DNAH11: variants seen among roughly 807,000 people sequenced by gnomAD.
DNAH11 encodes the protein dynein axonemal heavy chain 11.
In DNAH11, 442 loss-of-function variants were observed where a neutral mutation model predicts 526.0. The ratio of observed to expected loss-of-function variants is 0.84; its 90% CI spans 0.78 to 0.91. DNAH11 has a LOEUF of 0.91. Ranked by LOEUF, DNAH11 falls within the 40% of genes least tolerant of loss-of-function variation. The pLI, the probability that DNAH11 is intolerant of heterozygous loss-of-function variation, is 0.00. For synonymous variants in DNAH11, 2,461 were observed against 1,935.9 expected, an observed-to-expected ratio of 1.27 and a Z score of -7.12; for missense variants, 6,989 against 5,448.7, an observed-to-expected ratio of 1.28 and a Z score of -8.90.
intron 76 of DNAH11, among the ~76,000 whole-genome samples, chr7:21,889,670 G>A (rs1290618881): frequency 6.6e-6 from 1 of 152,112 alleles, no homozygotes; most frequent in East Asian, 1.9e-4. Flanking sequence ...ATCCTTTCAT[G>A]TTCTCATTGG....
At chr7:21,813,647 T>C (rs1018950131) in intron 63 of DNAH11, among the ~76,000 whole-genome samples, 1 of 152,212 alleles carries the variant, frequency 6.6e-6, no homozygotes, top group African/African-American at 2.4e-5. Context: ...TGGCGTGTGC[T>C]TCCAGCCTTG....
chr7:21,706,951 A>G (rs1403597923), intron 39 of DNAH11, among the ~76,000 whole-genome samples: 1 of 152,232 alleles, frequency 6.6e-6, no homozygotes, highest in Non-Finnish European at 1.5e-5. Flanking sequence ...AGTTCTCATT[A>G]TCAAGGCTTT....
intron 68 of DNAH11, among the ~76,000 whole-genome samples, chr7:21,859,476 A>G (rs1202799739): frequency 6.6e-6 from 1 of 152,166 alleles, no homozygotes; most frequent in Non-Finnish European, 1.5e-5. Context: ...GTATTTGCAA[A>G]TATTCAAACA....
intron 8 of DNAH11, among the ~76,000 whole-genome samples, chr7:21,573,151 C>T (rs773614678): frequency 1.2e-4 from 18 of 152,182 alleles, no homozygotes; most frequent in Non-Finnish European, 2.2e-4. Flanking sequence ...GTTTAATTGA[C>T]GTCACTACCT....
chr7:21,801,306 A>G, intron 62 of DNAH11, 31 bp downstream of exon 62: 2 of 1,612,428 alleles, frequency 1.2e-6, no homozygotes, highest in South Asian at 1.1e-5. Flanking sequence ...CATTCTAACT[A>G]AAATGTTCAG....
intron 73 of DNAH11, among the ~76,000 whole-genome samples, chr7:21,871,125 C>G (rs1783477804): frequency 6.6e-6 from 1 of 152,176 alleles, no homozygotes; most frequent in Non-Finnish European, 1.5e-5. Flanking sequence ...AGATAGAGCC[C>G]TCTAAAGGTG....
intron 25 of DNAH11, among the ~76,000 whole-genome samples, chr7:21,623,528 T>C (rs537335951): frequency 7.5e-4 from 114 of 152,228 alleles, no homozygotes; most frequent in East Asian, 7.3e-3. Context: ...ATGTTTATTG[T>C]GGCACTATTC....
chr7:21,775,933 C>G (rs186096541), intron 56 of DNAH11, among the ~76,000 whole-genome samples: 2 of 152,136 alleles, frequency 1.3e-5, no homozygotes, highest in African/African-American at 2.4e-5. Flanking sequence ...GTGGGGGCAT[C>G]CTTAGCAAAG....
Position 21,576,465 on chromosome 7 carries a change from C to A in DNAH11, c.1593+4492C>A, listed in dbSNP as rs562989610. Among the ~76,000 whole-genome samples, 5 of 152,300 alleles carry A rather than the reference C, an allele frequency of 3.3e-5. No individual in the cohort carries two copies. The South Asian group carries it at 1.0e-3, about 32-fold the overall frequency. ...GATCTTAATACTGACTCAAGACTCT[C>A]TTGAAAGATGTAAACTCTGATAGAG... On this transcript the variant is annotated intron_variant, in intron 8 of 81. Coordinates refer to ENST00000409508, the MANE Select transcript of DNAH11 (RefSeq NM_001277115.2).
At chr7:21,571,681 ATT>A in intron 7 of DNAH11, 123 bp from the exon 8 acceptor site, 1 of 526,192 alleles carries the variant, frequency 1.9e-6, no homozygotes, top group Non-Finnish European at 3.1e-6. Context: ...GAAAATATTT[ATT>A]TTCTGTCATT....
At chr7:21,572,019 T>G (rs778367112) in intron 8 of DNAH11, 46 bp downstream of exon 8, 8 of 1,413,216 alleles carry the variant, frequency 5.7e-6, no homozygotes, top group Middle Eastern at 2.6e-4. Context: ...TCCTATAATT[T>G]TATAGCTGAA....
At chr7:21,611,949 G>A (rs977277857) in intron 20 of DNAH11, among the ~76,000 whole-genome samples, 3 of 152,060 alleles carry the variant, frequency 2.0e-5, no homozygotes, top group Non-Finnish European at 4.4e-5. Flanking sequence ...TGCCAAATTT[G>A]CTTCTTAGAA....
At chr7:21,639,900 A>G (rs936982128) in intron 28 of DNAH11, among the ~76,000 whole-genome samples, 2 of 151,744 alleles carry the variant, frequency 1.3e-5, no homozygotes, top group African/African-American at 4.8e-5. Context: ...TTTACTCTAG[A>G]TATTTTTTGT....
chr7:21,796,015 T>C (rs1028754819), intron 61 of DNAH11, among the ~76,000 whole-genome samples: 1 of 152,094 alleles, frequency 6.6e-6, no homozygotes, highest in African/African-American at 2.4e-5. Flanking sequence ...AGAGTATAAA[T>C]GTCAGTGTGT....
Position 21,616,956 on chromosome 7 carries a change from C to G in DNAH11, c.4096-663C>G, listed in dbSNP as rs139969758. ...AGGGCTTCCTTGCCTCAGCTTCTACCCACTCTCGCCTGTATTTTCCCCCAT... is the reference window on the plus strand; with the variant it reads ...AGGGCTTCCTTGCCTCAGCTTCTACGCACTCTCGCCTGTATTTTCCCCCAT... On this transcript the variant is annotated intron_variant, in intron 22 of 81. Coordinates refer to ENST00000409508, the MANE Select transcript of DNAH11 (RefSeq NM_001277115.2). Among the ~76,000 whole-genome samples, 705 of 152,256 alleles carry G rather than the reference C, an allele frequency of 4.6e-3. 10 individuals are homozygous for G. Among genetic ancestry groups the G allele is most frequent in the African/African-American group, 0.016 (680 of 41,548 alleles).
chr7:21,720,128 G>T (rs975201870), intron 43 of DNAH11, among the ~76,000 whole-genome samples: 1 of 152,140 alleles, frequency 6.6e-6, no homozygotes, highest in Admixed American at 6.5e-5. Context: ...AATTTAGTTC[G>T]GTGTCCAAAA....
rs1203743896 is a variant in DNAH11 at position 21,888,700 on chromosome 7, G to A, written c.12508-3725G>A. ...AGATGGGGTTTCACCATGTTAGTCA[G>A]GCTGGTCTTGAACTCCTGACCTCAT... On this transcript the variant is annotated intron_variant, in intron 76 of 81. Coordinates refer to ENST00000409508, the MANE Select transcript of DNAH11 (RefSeq NM_001277115.2). 4.6e-5 allele frequency among the ~76,000 whole-genome samples: 7 copies of A among 151,972 alleles called. No homozygotes were observed. In the East Asian group the frequency reaches 9.7e-4, roughly 21 times the overall value.
At position 21,884,343 on chromosome 7, in the gene DNAH11, A is replaced by G. The variant is rs781378305; in HGVS notation, c.12440A>G (p.His4147Arg). ...TTTGGTGAGATCATGTATGGAGGCC[A>G]CATCACAGATGACTGGGATCGCAAA... ...YLFGEIMYGGHITDDWDRKLC... is the reference protein window; with the variant it reads ...YLFGEIMYGGRITDDWDRKLC... The change falls in exon 76 of 82, where the codon CAC (histidine) becomes CGC (arginine). Residue 4147 changes from histidine (H) to arginine (R), a missense_variant. His to Arg is a conservative substitution (Grantham distance 29). Transcript: ENST00000409508. 9 of 1,613,366 alleles carry G rather than the reference A, an allele frequency of 5.6e-6. No individual in the cohort carries two copies. In the African/African-American group the frequency reaches 9.3e-5, roughly 17 times the overall value.
intron 62 of DNAH11, among the ~76,000 whole-genome samples, chr7:21,806,077 A>C (rs1562557406): frequency 6.6e-6 from 1 of 152,242 alleles, no homozygotes; most frequent in East Asian, 1.9e-4. Flanking sequence ...GAATAAAATT[A>C]TAGTGATTTT....
Sources: gnomAD v4.1 joint callset for allele counts (sites outside exome capture counted in the v4.1 genomes callset) on GRCh38, gnomAD v4.1.1 for gene constraint, MANE v1.5 for transcripts, NCBI Gene and HGNC (gene_info 2026-07-23, HGNC 2026-07-21) for gene names.